The following RNF139 variants were observed in gnomAD, a reference collection of about 807,000 sequenced individuals.
The protein encoded by RNF139 is ring finger protein 139.
In RNF139, 15 loss-of-function variants were observed where a neutral mutation model predicts 49.5. That is an observed-to-expected ratio of 0.30 (90% CI 0.20 to 0.47). The LOEUF (loss-of-function observed/expected upper bound fraction) is 0.47, where lower values mean the gene tolerates loss of function less well. Ranked by LOEUF, RNF139 falls within the 20% of genes least tolerant of loss-of-function variation. The pLI is 1.00. For synonymous variants in RNF139, 325 were observed against 300.9 expected, an observed-to-expected ratio of 1.08 and a Z score of -0.83; for missense variants, 619 against 806.3, an observed-to-expected ratio of 0.77 and a Z score of 2.81.
rs1444366956 is a variant in RNF139 at position 124,475,355 on chromosome 8, G to A, written c.181+65G>A. 10 of 1,525,654 alleles carry A rather than the reference G, an allele frequency of 6.6e-6. No homozygotes were observed. In the Admixed American group the frequency reaches 1.8e-4, roughly 28 times the overall value. 94.5% of individuals were successfully genotyped at this position (1,525,654 alleles called of 1,614,324 possible). A position where few individuals can be genotyped will look rare whatever the true frequency, so the allele number is the denominator to read the frequency against. On this transcript the variant is annotated intron_variant, in intron 1 of 1. Transcript: ENST00000303545. ...CGGGCCGAGACGTTCCCCGGGGAGC[G>A]GGCAGGCGCGCAGAGGCCATGGGTC... is the stretch of plus-strand genomic sequence containing the variant.
At chr8:124,479,735 G>A (rs1309945649) in intron 1 of RNF139, among the ~76,000 whole-genome samples, 1 of 152,096 alleles carries the variant, frequency 6.6e-6, no homozygotes. Context: ...AAATAGATTA[G>A]TACTTAGCCT....
chr8:124,485,624 A>G (rs1816515399), intron 1 of RNF139, among the ~76,000 whole-genome samples: 1 of 152,246 alleles, frequency 6.6e-6, no homozygotes, highest in Non-Finnish European at 1.5e-5. Flanking sequence ...GAAATTTTAA[A>G]GAATAATTTA....
chr8:124,476,059 A>G lies in RNF139; in HGVS notation c.181+769A>G, dbSNP rs543067144. 3.3e-5 allele frequency among the ~76,000 whole-genome samples: 5 copies of G among 152,318 alleles called. 1 individual carries two copies. In the South Asian group the frequency reaches 1.0e-3, roughly 32 times the overall value. On this transcript the variant is annotated intron_variant, in intron 1 of 1. Coordinates refer to ENST00000303545, the MANE Select transcript of RNF139 (RefSeq NM_007218.4). ...AGAGGGAGATGCATTTATGCGTAAA[A>G]TAATTTTTTAAGTAATTGTAACTTG...
At position 124,487,947 on chromosome 8, in the gene RNF139, G is replaced by A. The variant is rs998084314; in HGVS notation, c.*303G>A. The A allele has an allele frequency of 3.4e-5, 8 of 237,450 alleles. No homozygotes were observed. The highest frequency in any genetic ancestry group is 8.2e-5 in the East Asian group (1 of 12,154). The allele number at this position is 237,450 out of a possible 1,614,324, so 14.7% of individuals were successfully genotyped here. ...AATAGATGTAATGATCATATGGTGC[G>A]TCACCTGTGCCAAATATTCTTCAAT... On this transcript the variant is annotated 3_prime_UTR_variant, in exon 2 of 2. Transcript: ENST00000303545.
Position 124,487,862 on chromosome 8 carries a change from T to C in RNF139, c.*218T>C. 1 of 476,940 alleles carries C rather than the reference T, an allele frequency of 2.1e-6. No individual in the cohort carries two copies. The highest frequency in any genetic ancestry group is 3.7e-6 in the Non-Finnish European group (1 of 272,060). The allele number at this position is 476,940 out of a possible 1,614,324, so 29.5% of individuals were successfully genotyped here. A position where few individuals can be genotyped will look rare whatever the true frequency, so the allele number is the denominator to read the frequency against. Reference sequence around the variant, plus strand: ...GACCTGTTTAAATTTGTGTACATTATTGTACATAGAATAAAATGTTTTCAC... The same window carrying C: ...GACCTGTTTAAATTTGTGTACATTACTGTACATAGAATAAAATGTTTTCAC... On this transcript the variant is annotated 3_prime_UTR_variant, in exon 2 of 2. Transcript: ENST00000303545.
In RNF139 at chr8:124,488,381, TTTTTTTTAAATTG is replaced by T. The variant is rs1816591360; in HGVS notation, c.*742_*754del. 2.9e-6 allele frequency: 1 copy of T among 346,610 alleles called. No individual in the cohort carries two copies. Among genetic ancestry groups the T allele is most frequent in the South Asian group, 8.6e-5 (1 of 11,634 alleles). 21.5% of individuals were successfully genotyped at this position (346,610 alleles called of 1,614,324 possible). Reference sequence around the variant, plus strand: ...TGAAGATATTACAAAACAAAAATAGTTTTTTTTAAATTGTTTTAAACTAAGATACTCAATGATA... The same window carrying T: ...TGAAGATATTACAAAACAAAAATAGTTTTTAAACTAAGATACTCAATGATA... On this transcript the variant is annotated 3_prime_UTR_variant, in exon 2 of 2. Coordinates refer to ENST00000303545, the MANE Select transcript of RNF139 (RefSeq NM_007218.4).
At chr8:124,483,042 TAAAAATATATCTA>T (rs1816463726) in intron 1 of RNF139, among the ~76,000 whole-genome samples, 6 of 59,796 alleles carry the variant, frequency 1.0e-4, no homozygotes, top group African/African-American at 6.0e-4. Flanking sequence ...TATATATATT[TAAAAATATATCTA>T]TTAAAAATAT....
chr8:124,488,579 G>A lies in RNF139; in HGVS notation c.*935G>A. 1 of 1,279,620 alleles carries A rather than the reference G, an allele frequency of 7.8e-7. No individual in the cohort carries two copies. 79.3% of individuals were successfully genotyped at this position (1,279,620 alleles called of 1,614,324 possible). The stretch of plus-strand genomic sequence containing the variant: ...AATTTTACATACATGATGGAAAGTG[G>A]AAGACATATACCAATTATATTCCAG... On this transcript the variant is annotated 3_prime_UTR_variant, in exon 2 of 2. Transcript: ENST00000303545.
chr8:124,483,910 T>C (rs1816490261), intron 1 of RNF139, among the ~76,000 whole-genome samples: 1 of 152,178 alleles, frequency 6.6e-6, no homozygotes. Context: ...GTACAAAATA[T>C]TGTAGAATCC....
In RNF139 at chr8:124,488,561, C is replaced by T; in HGVS notation, c.*917C>T. On this transcript the variant is annotated 3_prime_UTR_variant, in exon 2 of 2. Coordinates refer to ENST00000303545, the MANE Select transcript of RNF139 (RefSeq NM_007218.4). Reference sequence around the variant, plus strand: ...CAGGAAGTTTTACTATGAAATTTTACATACATGATGGAAAGTGGAAGACAT... The same window carrying T: ...CAGGAAGTTTTACTATGAAATTTTATATACATGATGGAAAGTGGAAGACAT... The T allele has an allele frequency of 2.6e-6, 3 of 1,138,182 alleles. No individual in the cohort carries two copies. Among genetic ancestry groups the T allele is most frequent in the African/African-American group, 1.6e-5 (1 of 63,688 alleles). The allele number at this position is 1,138,182 out of a possible 1,614,324, so 70.5% of individuals were successfully genotyped here. A position where few individuals can be genotyped will look rare whatever the true frequency, so the allele number is the denominator to read the frequency against.
intron 1 of RNF139, among the ~76,000 whole-genome samples, chr8:124,478,409 G>T (rs945161438): frequency 5.9e-5 from 9 of 151,972 alleles, no homozygotes; most frequent in African/African-American, 2.2e-4. Context: ...TTGAGGCCAG[G>T]AGTTTGACAC....
chr8:124,478,379 G>T (rs1382911936), intron 1 of RNF139, among the ~76,000 whole-genome samples: 1 of 152,000 alleles, frequency 6.6e-6, no homozygotes, highest in Admixed American at 6.6e-5. Flanking sequence ...CACTTTGGGA[G>T]GCTGAGGCAG....
At position 124,486,530 on chromosome 8, in the gene RNF139, T is replaced by C; in HGVS notation, c.881T>C (p.Met294Thr). The C allele has an allele frequency of 6.2e-7, 1 of 1,614,196 alleles. No homozygotes were observed. Among genetic ancestry groups the C allele is most frequent in the South Asian group, 1.1e-5 (1 of 91,082 alleles). The change falls in exon 2 of 2, where the codon ATG becomes ACG. Residue 294 changes from methionine to threonine, a missense_variant. Physicochemically the swap from Met to Thr is moderately conservative, Grantham distance 81 (BLOSUM62 -1). This residue lies in a region of RNF139 where 530 missense variants were observed against 728.9 expected (regional missense o/e 0.73). Coordinates refer to ENST00000303545, the MANE Select transcript of RNF139 (RefSeq NM_007218.4). ...GCDSTLTVLG[M>T]SAVISSVAHY... ...GATTCTACACTAACTGTACTGGGCA[T>C]GAGTGCTGTAATTTCCTCAGTAGCC...
chr8:124,479,728 T>C (rs1460551896), intron 1 of RNF139, among the ~76,000 whole-genome samples: 1 of 152,120 alleles, frequency 6.6e-6, no homozygotes, highest in Non-Finnish European at 1.5e-5. Context: ...GATAGACAAA[T>C]AGATTAGTAC....
intron 1 of RNF139, among the ~76,000 whole-genome samples, chr8:124,480,172 C>G (rs777883499): frequency 1.3e-5 from 2 of 151,084 alleles, no homozygotes; most frequent in South Asian, 2.1e-4. Context: ...TAAGTGTATT[C>G]TTACCTAGAT....
chr8:124,482,127 A>C (rs1816424206), intron 1 of RNF139, among the ~76,000 whole-genome samples: 1 of 152,250 alleles, frequency 6.6e-6, no homozygotes, highest in African/African-American at 2.4e-5. Flanking sequence ...GCTGGGATAC[A>C]TCCAAATTTT....
Position 124,478,291 on chromosome 8 carries a change from A to G in RNF139, c.181+3001A>G, listed in dbSNP as rs577253227. 3.2e-3 allele frequency among the ~76,000 whole-genome samples: 476 copies of G among 149,616 alleles called. 2 individuals carry two copies. Among genetic ancestry groups the G allele is most frequent in the African/African-American group, 8.8e-3 (357 of 40,472 alleles). ...CTGCAGTAGCTTGATTTTATGGGGG[A>G]AAAAAAAAAGTACCTAGCCTTGTTT... On this transcript the variant is annotated intron_variant, in intron 1 of 1. Coordinates refer to ENST00000303545, the MANE Select transcript of RNF139 (RefSeq NM_007218.4).
In RNF139 at chr8:124,487,423, G is replaced by A. The variant is rs145952657; in HGVS notation, c.1774G>A (p.Glu592Lys). 85 of 1,613,868 alleles carry A rather than the reference G, an allele frequency of 5.3e-5. No homozygotes were observed. Among genetic ancestry groups the A allele is most frequent in the Admixed American group, 3.7e-4 (22 of 59,984 alleles). Residue 592 changes from glutamate (E) to lysine (K), a missense_variant, in exon 2 of 2, where the codon GAA (glutamate) becomes AAA (lysine). Coordinates refer to ENST00000303545, the MANE Select transcript of RNF139 (RefSeq NM_007218.4). ...CPMCHQKVYI[E>K]DDIKDNSNVS... The stretch of plus-strand genomic sequence containing the variant: ...AATGTGCCATCAGAAAGTATACATC[G>A]AAGATGATATCAAGGATAATTCAAA...
intron 1 of RNF139, among the ~76,000 whole-genome samples, chr8:124,481,165 A>G (rs970219229): frequency 3.3e-5 from 5 of 152,224 alleles, no homozygotes; most frequent in African/African-American, 1.2e-4. Flanking sequence ...TTTATCAAGT[A>G]TACCAACAGA....
Sources: allele counts gnomAD v4.1 joint callset (sites outside exome capture counted in the v4.1 genomes callset), GRCh38; gene constraint gnomAD v4.1.1; regional missense constraint gnomAD v4.1.1; transcripts MANE v1.5; gene names NCBI Gene and HGNC (gene_info 2026-07-23, HGNC 2026-07-21).